The following COL14A1 variants were observed in gnomAD, a reference collection of about 807,000 sequenced individuals.
The protein encoded by COL14A1 is collagen alpha-1(XIV) chain.
COL14A1 carries 136 observed loss-of-function variants against 230.3 expected under a neutral mutation model. The observed-to-expected ratio is 0.59, with a 90% confidence interval of 0.51 to 0.68. COL14A1 has a LOEUF of 0.68. COL14A1 is among the 30% of genes least tolerant of loss of function. The pLI is 0.00. For synonymous variants in COL14A1, 792 were observed against 784.1 expected (o/e 1.01, Z -0.17); for missense variants, 1,976 against 2,215.8 (o/e 0.89, Z 2.17).
chr8:120,294,167 A>G (rs1820453901), intron 34 of COL14A1, among the ~76,000 whole-genome samples: 1 of 151,832 alleles, frequency 6.6e-6, no homozygotes, highest in Admixed American at 6.6e-5. Context: ...TTAGAAAAAA[A>G]AATCAGAGAA....
intron 1 of COL14A1, among the ~76,000 whole-genome samples, chr8:120,129,848 T>G (rs1333267118): frequency 6.6e-6 from 1 of 152,220 alleles, no homozygotes; most frequent in Admixed American, 6.5e-5. Context: ...TCATTAACTA[T>G]TAAATCAATC....
intron 35 of COL14A1, 22 bp downstream of exon 35, chr8:120,297,610 C>T (rs1406262566): frequency 3.8e-6 from 5 of 1,329,226 alleles, no homozygotes; most frequent in Non-Finnish European, 4.9e-6. Flanking sequence ...TCCTTCATTT[C>T]TATTGATTTT....
In COL14A1 at chr8:120,255,363, A is replaced by C; in HGVS notation, c.2869+7A>C. 6.3e-7 allele frequency: 1 copy of C among 1,580,792 alleles called. No individual in the cohort carries two copies. The highest frequency in any genetic ancestry group is 8.7e-7 in the Non-Finnish European group (1 of 1,149,634). On this transcript the variant is annotated splice_region_variant and intron_variant, in intron 23 of 47. Transcript: ENST00000297848. ...GTTATAGAATCCCTCCAGGGTGAGTACAATCCATCACTTACGTTTTTGTCA... is the reference window on the plus strand; with the variant it reads ...GTTATAGAATCCCTCCAGGGTGAGTCCAATCCATCACTTACGTTTTTGTCA...
chr8:120,156,256 G>A (rs766578670), intron 2 of COL14A1, among the ~76,000 whole-genome samples: 36 of 151,238 alleles, frequency 2.4e-4, no homozygotes, highest in African/African-American at 7.8e-4. Flanking sequence ...TGCAGTCTCC[G>A]CCTCCTGGAT....
chr8:120,367,906 T>C (rs1488173514), intron 46 of COL14A1, among the ~76,000 whole-genome samples: 1 of 149,336 alleles, frequency 6.7e-6, no homozygotes, highest in Non-Finnish European at 1.5e-5. Context: ...ATGGTGCCAC[T>C]GCCCTCCAGC....
At chr8:120,371,094 A>C in intron 47 of COL14A1, 58 bp from the exon 48 acceptor site, 2 of 1,403,174 alleles carry the variant, frequency 1.4e-6, no homozygotes, top group Non-Finnish European at 2.0e-6. Flanking sequence ...GTGAGGGGAG[A>C]ATATCAATTT....
intron 14 of COL14A1, 80 bp downstream of exon 14, chr8:120,216,570 G>C (rs1271722614): frequency 7.3e-7 from 1 of 1,366,596 alleles, no homozygotes; most frequent in African/African-American, 1.5e-5. Context: ...TCATCTCAAA[G>C]CCTAGTGGCT....
intron 19 of COL14A1, among the ~76,000 whole-genome samples, chr8:120,241,466 A>C (rs1394686809): frequency 6.6e-6 from 1 of 152,182 alleles, no homozygotes; most frequent in Admixed American, 6.5e-5. Context: ...TTAGAGCCAG[A>C]CATGAAAATC....
At chr8:120,273,490 A>G (rs1819737255) in intron 26 of COL14A1, among the ~76,000 whole-genome samples, 1 of 151,904 alleles carries the variant, frequency 6.6e-6, no homozygotes, top group Non-Finnish European at 1.5e-5. Context: ...AAAAAAGATC[A>G]ATGAAACAAA....
intron 34 of COL14A1, among the ~76,000 whole-genome samples, chr8:120,290,915 A>C (rs1368377305): frequency 6.6e-6 from 1 of 152,226 alleles, no homozygotes; most frequent in Non-Finnish European, 1.5e-5. Flanking sequence ...GTAGTTTAAC[A>C]CTTACAGTTG....
At chr8:120,328,071 G>A (rs966116184) in intron 40 of COL14A1, among the ~76,000 whole-genome samples, 3 of 152,022 alleles carry the variant, frequency 2.0e-5, no homozygotes, top group African/African-American at 7.2e-5. Flanking sequence ...GCCATGTGCA[G>A]TACCTATTTT....
intron 5 of COL14A1, among the ~76,000 whole-genome samples, chr8:120,174,974 T>G (rs910654996): frequency 1.3e-5 from 2 of 152,190 alleles, no homozygotes; most frequent in Non-Finnish European, 2.9e-5. Context: ...GTCGTGGTAC[T>G]CTCGTGATCC....
intron 1 of COL14A1, among the ~76,000 whole-genome samples, chr8:120,126,126 C>A (rs994247061): frequency 6.6e-6 from 1 of 152,190 alleles, no homozygotes; most frequent in South Asian, 2.1e-4. Context: ...CTCTCTGACA[C>A]CCCCCGCACC....
At chr8:120,365,812 G>A (rs1280293724) in intron 45 of COL14A1, among the ~76,000 whole-genome samples, 1 of 152,180 alleles carries the variant, frequency 6.6e-6, no homozygotes, top group Non-Finnish European at 1.5e-5. Flanking sequence ...AGCTCAGATA[G>A]CACCATCAAG....
At position 120,359,663 on chromosome 8, in the gene COL14A1, A is replaced by C. The variant is rs958446164; in HGVS notation, c.5078-7508A>C. Among the ~76,000 whole-genome samples the C allele has an allele frequency of 2.6e-5, 4 of 152,220 alleles. No individual in the cohort carries two copies. In the South Asian group the frequency reaches 8.3e-4, roughly 32 times the overall value. Reference sequence around the variant, plus strand: ...GGAGGAATGATCAAAATTTTGTAGCAGAAAGTAATAGATTGGCATTTGATC... The same window carrying C: ...GGAGGAATGATCAAAATTTTGTAGCCGAAAGTAATAGATTGGCATTTGATC... On this transcript the variant is annotated intron_variant, in intron 45 of 47. Transcript: ENST00000297848.
intron 14 of COL14A1, among the ~76,000 whole-genome samples, chr8:120,220,646 C>G (rs1358760704): frequency 6.6e-6 from 1 of 152,168 alleles, no homozygotes; most frequent in East Asian, 1.9e-4. Context: ...TTCCTTCTCT[C>G]ACTTCCTCTT....
chr8:120,301,966 CT>C (rs1458496809), intron 36 of COL14A1, among the ~76,000 whole-genome samples: 1 of 152,118 alleles, frequency 6.6e-6, no homozygotes, highest in East Asian at 1.9e-4. Context: ...TGATACTGAG[CT>C]TTTTTTCATA....
intron 16 of COL14A1, 114 bp from the exon 17 acceptor site, chr8:120,227,106 G>T: frequency 1.7e-6 from 2 of 1,203,080 alleles, no homozygotes; most frequent in Non-Finnish European, 1.1e-6. Flanking sequence ...AATGGACTTC[G>T]ACAGCCTTGG....
chr8:120,156,129 G>A (rs537265515), intron 2 of COL14A1, among the ~76,000 whole-genome samples: 1 of 151,692 alleles, frequency 6.6e-6, no homozygotes, highest in Non-Finnish European at 1.5e-5. Flanking sequence ...TTCAGTTTGT[G>A]GAGCAGTAAA....
Sources: allele counts gnomAD v4.1 joint callset (sites outside exome capture counted in the v4.1 genomes callset), GRCh38; gene constraint gnomAD v4.1.1; transcripts MANE v1.5; gene names NCBI Gene and HGNC (gene_info 2026-07-23, HGNC 2026-07-21).